Variants in PAG1 observed in about 807,000 individuals in gnomAD.
The protein encoded by PAG1 is phosphoprotein membrane anchor with glycosphingolipid microdomains 1.
Under a neutral mutation model 31.7 loss-of-function variants are expected in PAG1, and 23 were observed. The ratio of observed to expected loss-of-function variants is 0.73; its 90% confidence interval spans 0.52 to 1.03. PAG1 has a LOEUF of 1.03. PAG1 is among the 50% of genes least tolerant of loss of function. The pLI is 0.00. For synonymous variants in PAG1, 214 were observed against 210.3 expected, an observed-to-expected ratio of 1.02 and a Z score of -0.15; for missense variants, 473 against 540.7, an observed-to-expected ratio of 0.87 and a Z score of 1.24.
rs117513876 is a variant in PAG1 at position 81,107,372 on chromosome 8, T to A, written c.-234+4219A>T. ...CTTCTGAAAAGCATAATATAGTCCATCTATATTATGTAATATATAAATCCA... is the reference window on the plus strand; with the variant it reads ...CTTCTGAAAAGCATAATATAGTCCAACTATATTATGTAATATATAAATCCA... On this transcript the variant is annotated intron_variant, in intron 1 of 8. Coordinates refer to ENST00000220597, the MANE Select transcript of PAG1 (RefSeq NM_018440.4). 9.3e-4 allele frequency among the ~76,000 whole-genome samples: 142 copies of A among 152,280 alleles called. 1 individual carries two copies. The East Asian group carries it at 0.019, about 20-fold the overall frequency.
chr8:81,083,725 C>T (rs1458093590), intron 1 of PAG1, among the ~76,000 whole-genome samples: 2 of 152,022 alleles, frequency 1.3e-5, no homozygotes, highest in Non-Finnish European at 2.9e-5. Flanking sequence ...CACTTGCTGC[C>T]TTCTTCATCA....
chr8:81,076,094 C>G lies in PAG1; in HGVS notation c.-233-5924G>C, dbSNP rs4076624. ...GAACACAATCTCTGTTGGTTGGTGA[C>G]CTGGCCTCCGGGAACAGAACCTGTT... On this transcript the variant is annotated intron_variant, in intron 1 of 8. Coordinates refer to ENST00000220597, the MANE Select transcript of PAG1 (RefSeq NM_018440.4). Among the ~76,000 whole-genome samples, 1,276 of 152,316 alleles carry G rather than the reference C, an allele frequency of 8.4e-3. 12 individuals are homozygous for G. Among genetic ancestry groups the G allele is most frequent in the African/African-American group, 0.029 (1,199 of 41,564 alleles).
At chr8:81,072,843 T>C (rs1266231123) in intron 1 of PAG1, among the ~76,000 whole-genome samples, 1 of 152,206 alleles carries the variant, frequency 6.6e-6, no homozygotes, top group Non-Finnish European at 1.5e-5. Context: ...TGTTGTATTC[T>C]CAGCCCTGCA....
At chr8:81,045,314 T>C (rs935006674) in intron 2 of PAG1, among the ~76,000 whole-genome samples, 1 of 152,224 alleles carries the variant, frequency 6.6e-6, no homozygotes, top group Non-Finnish European at 1.5e-5. Context: ...TTATTTTTGA[T>C]GACATTCATT....
rs1008542386 is a variant in PAG1, at chr8:80,972,812, C to A, written c.*3732G>T. On this transcript the variant is annotated 3_prime_UTR_variant, in exon 9 of 9. Coordinates refer to ENST00000220597, the MANE Select transcript of PAG1 (RefSeq NM_018440.4). ...GAAACTGATTGAAAAACTGTTCCTT[C>A]TAATTCTGCTTTTCCAACAAAAGTT... The A allele has an allele frequency of 3.9e-5, 6 of 152,138 alleles. No homozygotes were observed. The highest frequency in any genetic ancestry group is 3.9e-4 in the Admixed American group (6 of 15,282). 9.4% of individuals were successfully genotyped at this position (152,138 alleles called of 1,614,324 possible).
chr8:81,056,551 C>A (rs990065118), intron 2 of PAG1, among the ~76,000 whole-genome samples: 7 of 152,084 alleles, frequency 4.6e-5, no homozygotes, highest in Non-Finnish European at 1.0e-4. Context: ...CTTTCTTACA[C>A]CTTATATAAA....
intron 3 of PAG1, among the ~76,000 whole-genome samples, chr8:81,013,283 ATT>A (rs1808015651): frequency 6.6e-6 from 1 of 152,058 alleles, no homozygotes; most frequent in African/African-American, 2.4e-5. Context: ...CCATGCCTTC[ATT>A]TCCCATCAGG....
intron 2 of PAG1, chr8:81,067,326 C>T (rs1197445350): frequency 1.3e-5 from 2 of 152,112 alleles, no homozygotes; most frequent in African/African-American, 4.8e-5. Flanking sequence ...TATGTATATG[C>T]TTTATAGTTC....
chr8:81,101,403 A>G, intron 1 of PAG1, among the ~76,000 whole-genome samples: 1 of 152,212 alleles, frequency 6.6e-6, no homozygotes, highest in East Asian at 1.9e-4. Context: ...AATATTTTAA[A>G]GCATCTTTAT....
chr8:80,976,625 G>T lies in PAG1; in HGVS notation c.1218C>A (p.Gly406=). The change falls in exon 9 of 9, where the codon GGC becomes GGA. Residue 406 remains glycine (G), a synonymous_variant. Transcript: ENST00000220597. ...TCTCCTTTGGGACGAGACCGTGGTG[G>T]CCATTGGTCCCCAGGGTGGCCTTTT... ...EEEKATLGTN[G]HHGLVPKEND... 1 of 1,613,958 alleles carries T rather than the reference G, an allele frequency of 6.2e-7. No homozygotes were observed. Among genetic ancestry groups the T allele is most frequent in the Non-Finnish European group, 8.5e-7 (1 of 1,179,804 alleles).
chr8:81,097,604 G>A (rs1317433503), intron 1 of PAG1, among the ~76,000 whole-genome samples: 1 of 151,954 alleles, frequency 6.6e-6, no homozygotes, highest in East Asian at 1.9e-4. Context: ...GGGTAGGAAA[G>A]GCGAGGTTCG....
intron 3 of PAG1, among the ~76,000 whole-genome samples, chr8:81,022,186 A>G (rs975045786): frequency 6.6e-6 from 1 of 152,238 alleles, no homozygotes; most frequent in Non-Finnish European, 1.5e-5. Context: ...GTTCTTTACC[A>G]TGTACTTCCT....
In PAG1 at chr8:80,993,311, C is replaced by A. The variant is rs533487118; in HGVS notation, c.-80-4G>T. 15 of 1,369,554 alleles carry A rather than the reference C, an allele frequency of 1.1e-5. No homozygotes were observed. Among genetic ancestry groups the A allele is most frequent in the Non-Finnish European group, 1.4e-5 (14 of 1,008,396 alleles). The allele number at this position is 1,369,554 out of a possible 1,614,324, so 84.8% of individuals were successfully genotyped here. ...CATGGAGGCAGAGAGCTGTGTCCTG[C>A]AAAGAGACCAGTGCGTTTGGAGAGT... On this transcript the variant is annotated splice_polypyrimidine_tract_variant and splice_region_variant and intron_variant, in intron 3 of 8. Transcript: ENST00000220597.
Position 80,987,414 on chromosome 8 carries a change from G to A in PAG1, c.230C>T (p.Ala77Val). ...CCCATTCTGCTCACTGCTGGCAGGA[G>A]CATCTGTTGCCAGGCTAGTAACTGA... ...SRSVTSLATD[A>V]PASSEQNGAL... The change falls in exon 6 of 9, where the codon GCT becomes GTT. Residue 77 changes from alanine (A) to valine (V), a missense_variant. Transcript: ENST00000220597. 1.2e-6 allele frequency: 2 copies of A among 1,613,952 alleles called. No homozygotes were observed. The highest frequency in any genetic ancestry group is 1.7e-6 in the Non-Finnish European group (2 of 1,179,810).
At chr8:81,059,964 G>A (rs576776346) in intron 2 of PAG1, among the ~76,000 whole-genome samples, 16 of 151,804 alleles carry the variant, frequency 1.1e-4, no homozygotes, top group African/African-American at 3.9e-4. Flanking sequence ...GTTGCAGTGC[G>A]CCGAGATTGC....
intron 6 of PAG1, among the ~76,000 whole-genome samples, chr8:80,985,692 T>C (rs936157762): frequency 6.6e-6 from 1 of 152,242 alleles, no homozygotes; most frequent in Admixed American, 6.5e-5. Flanking sequence ...GACCAGAAGA[T>C]GACCAGTTTG....
At chr8:81,086,491 ATGTGTGTGTGTGTGCGCGCGCG>A (rs1809359065) in intron 1 of PAG1, among the ~76,000 whole-genome samples, 1 of 151,710 alleles carries the variant, frequency 6.6e-6, no homozygotes. Flanking sequence ...AAGGCAAGAA[ATGTGTGTGTGTGTGCGCGCGCG>A]TGTGTGTGTG....
At chr8:81,019,440 C>G (rs1026577148) in intron 3 of PAG1, among the ~76,000 whole-genome samples, 1 of 152,200 alleles carries the variant, frequency 6.6e-6, no homozygotes, top group African/African-American at 2.4e-5. Context: ...GCCAGGGCCC[C>G]CCTGTTCTGT....
intron 3 of PAG1, among the ~76,000 whole-genome samples, chr8:81,027,892 A>G (rs1192516101): frequency 1.4e-5 from 2 of 140,858 alleles, no homozygotes; most frequent in Non-Finnish European, 3.0e-5. Context: ...GCGACAGAGC[A>G]GGACTCCGTC....
Sources: gnomAD v4.1 joint callset for allele counts (sites outside exome capture counted in the v4.1 genomes callset) on GRCh38, gnomAD v4.1.1 for gene constraint, MANE v1.5 for transcripts, NCBI Gene and HGNC (gene_info 2026-07-23, HGNC 2026-07-21) for gene names.